Variants in CNTN1 observed in about 807,000 individuals in gnomAD.
The protein encoded by CNTN1 is contactin-1.
CNTN1 carries 38 observed loss-of-function variants against 126.4 expected under a neutral mutation model. The observed-to-expected ratio is 0.30, with a 90% CI of 0.23 to 0.39. The LOEUF is 0.39. CNTN1 is among the 10% of genes least tolerant of loss of function. The pLI, the probability that CNTN1 is intolerant of heterozygous loss-of-function variation, is 1.00. For synonymous variants in CNTN1, 413 were observed against 422.6 expected (o/e 0.98, Z 0.28); for missense variants, 1,009 against 1,248.4 (o/e 0.81, Z 2.89).
intron 18 of CNTN1, among the ~76,000 whole-genome samples, chr12:41,016,436 G>C (rs189994095): frequency 3.5e-4 from 53 of 152,228 alleles, no homozygotes; most frequent in Admixed American, 2.4e-3. Context: ...AGAAGAAACT[G>C]AAAGGAAAAA....
chr12:40,859,402 G>T (rs531958352), intron 1 of CNTN1, among the ~76,000 whole-genome samples: 2 of 152,032 alleles, frequency 1.3e-5, no homozygotes, highest in South Asian at 4.2e-4. Flanking sequence ...AGATAATAGC[G>T]GAAACTGTGT....
At chr12:40,759,512 C>G (rs1474020045) in intron 1 of CNTN1, among the ~76,000 whole-genome samples, 1 of 150,974 alleles carries the variant, frequency 6.6e-6, no homozygotes, top group Non-Finnish European at 1.5e-5. Context: ...GTCACCTAGG[C>G]TGGAATGCGG....
intron 1 of CNTN1, among the ~76,000 whole-genome samples, chr12:40,704,351 C>A (rs1941679500): frequency 6.6e-6 from 1 of 151,972 alleles, no homozygotes; most frequent in African/African-American, 2.4e-5. Context: ...CCTATACTCT[C>A]CAAATTATCT....
At chr12:40,860,281 AT>A (rs1207685015) in intron 1 of CNTN1, among the ~76,000 whole-genome samples, 1 of 152,132 alleles carries the variant, frequency 6.6e-6, no homozygotes, top group African/African-American at 2.4e-5. Context: ...AATTTTTAAT[AT>A]TTTGTCTGGA....
In CNTN1 at chr12:40,905,945, C is replaced by A. The variant is rs149112466; in HGVS notation, c.-76-2412C>A. ...ACAATCAAAATAAAAAGCTAAAAATCTTTCCACAGATCATGTAATTGATTT... is the reference window on the plus strand; with the variant it reads ...ACAATCAAAATAAAAAGCTAAAAATATTTCCACAGATCATGTAATTGATTT... On this transcript the variant is annotated intron_variant, in intron 1 of 23. Transcript: ENST00000551295. Among the ~76,000 whole-genome samples, 186 of 152,292 alleles carry A rather than the reference C, an allele frequency of 1.2e-3. 1 individual carries two copies. Among genetic ancestry groups the A allele is most frequent in the Non-Finnish European group, 2.2e-3 (149 of 68,030 alleles).
intron 1 of CNTN1, among the ~76,000 whole-genome samples, chr12:40,755,190 C>CAAAA (rs557970110): frequency 1.8e-4 from 14 of 78,204 alleles, no homozygotes; most frequent in African/African-American, 6.1e-4. Flanking sequence ...GACCCCACCT[C>CAAAA]AAAAAAAAAA....
intron 1 of CNTN1, among the ~76,000 whole-genome samples, chr12:40,734,141 T>C (rs1164053726): frequency 1.3e-5 from 2 of 152,098 alleles, no homozygotes; most frequent in African/African-American, 4.8e-5. Context: ...AATCATCCTC[T>C]GGCTGCTTTA....
chr12:40,877,927 A>G (rs546855916), intron 1 of CNTN1, among the ~76,000 whole-genome samples: 5 of 148,608 alleles, frequency 3.4e-5, no homozygotes, highest in African/African-American at 1.2e-4. Flanking sequence ...TGCCTAATAT[A>G]TTGAAGTCCC....
intron 1 of CNTN1, among the ~76,000 whole-genome samples, chr12:40,723,311 A>C (rs1165281753): frequency 6.6e-6 from 1 of 152,180 alleles, no homozygotes; most frequent in Non-Finnish European, 1.5e-5. Context: ...ATAATCTTTT[A>C]AGATTTCATC....
intron 1 of CNTN1, among the ~76,000 whole-genome samples, chr12:40,864,462 ACT>A (rs1221501115): frequency 6.6e-6 from 1 of 151,504 alleles, no homozygotes; most frequent in East Asian, 1.9e-4. Flanking sequence ...CTTAAAAGAA[ACT>A]CTATAAGTGT....
intron 1 of CNTN1, among the ~76,000 whole-genome samples, chr12:40,696,690 A>G (rs534213745): frequency 6.6e-5 from 10 of 152,298 alleles, no homozygotes; most frequent in South Asian, 2.1e-4. Context: ...GCATTATTTC[A>G]CTTCAATAAT....
rs183384883 is a variant in CNTN1, at chr12:40,894,568, A to G, written c.-76-13789A>G. Among the ~76,000 whole-genome samples the G allele has an allele frequency of 3.9e-5, 6 of 152,302 alleles. No homozygotes were observed. In the East Asian group the frequency reaches 7.7e-4, roughly 20 times the overall value. On this transcript the variant is annotated intron_variant, in intron 1 of 23. Coordinates refer to ENST00000551295, the MANE Select transcript of CNTN1 (RefSeq NM_001843.4). ...CTGAAAATAACATATAAAATATGTC[A>G]CAGAAAAAATATTTCTCTCATTTTA...
chr12:40,992,869 T>C (rs1948126465), intron 16 of CNTN1, among the ~76,000 whole-genome samples: 1 of 152,202 alleles, frequency 6.6e-6, no homozygotes, highest in African/African-American at 2.4e-5. Flanking sequence ...ACATGCAGAA[T>C]TGCAGACTCC....
In CNTN1 at chr12:40,756,040, A is replaced by G. The variant is rs555369630; in HGVS notation, c.-77+63448A>G. Among the ~76,000 whole-genome samples, 2 of 152,194 alleles carry G rather than the reference A, an allele frequency of 1.3e-5. 1 individual carries two copies. The highest frequency in any genetic ancestry group is 1.3e-4 in the Admixed American group (2 of 15,268). On this transcript the variant is annotated intron_variant, in intron 1 of 23. Coordinates refer to ENST00000551295, the MANE Select transcript of CNTN1 (RefSeq NM_001843.4). ...TGTTTTTCTAGCCACATTTAGATAC[A>G]TAGTTGCAAGCACAGAAAAGGTGTA...
chr12:40,735,659 T>TA (rs1427266706), intron 1 of CNTN1, among the ~76,000 whole-genome samples: 4 of 152,130 alleles, frequency 2.6e-5, no homozygotes, highest in African/African-American at 9.7e-5. Context: ...AAAATAGGGA[T>TA]ATCTATAATC....
intron 17 of CNTN1, among the ~76,000 whole-genome samples, chr12:40,998,418 C>A (rs1359587400): frequency 1.3e-5 from 2 of 152,044 alleles, no homozygotes; most frequent in Non-Finnish European, 2.9e-5. Flanking sequence ...ATTTAAATTT[C>A]TTGTTTGAAA....
At chr12:41,026,181 T>C (rs184689404) in intron 21 of CNTN1, among the ~76,000 whole-genome samples, 37 of 152,318 alleles carry the variant, frequency 2.4e-4, no homozygotes, top group African/African-American at 8.2e-4. Flanking sequence ...TTTGTTCTTT[T>C]TCCATTTGTT....
rs1487046272 is a variant in CNTN1 at position 40,885,796 on chromosome 12, T to C, written c.-76-22561T>C. On this transcript the variant is annotated intron_variant, in intron 1 of 23. Coordinates refer to ENST00000551295, the MANE Select transcript of CNTN1 (RefSeq NM_001843.4). ...TTGTGCTTTGATTGAAAGTATGTCA[T>C]TTTGGAAAACTTTAAGAATATTGAG... Among the ~76,000 whole-genome samples, 5 of 152,232 alleles carry C rather than the reference T, an allele frequency of 3.3e-5. No individual in the cohort carries two copies. In the East Asian group the frequency reaches 9.6e-4, roughly 29 times the overall value.
chr12:40,943,602 T>G lies in CNTN1; in HGVS notation c.1385T>G (p.Leu462Arg), dbSNP rs1946334820. The change falls in exon 13 of 24, where the codon CTC becomes CGC. Residue 462 changes from leucine to arginine, a missense_variant. Transcript: ENST00000551295. The part of the protein sequence containing the change: ...TEWLVNSSRI[L>R]IWEDGSLEIN... ...ATATATTTTTATTTCACTAGAATAC[T>G]CATTTGGGAAGATGGTAGCTTGGAA... The G allele has an allele frequency of 6.4e-7, 1 of 1,567,862 alleles. No homozygotes were observed. Among genetic ancestry groups the G allele is most frequent in the Admixed American group, 1.7e-5 (1 of 59,810 alleles).
Sources: gnomAD v4.1 joint callset for allele counts (sites outside exome capture counted in the v4.1 genomes callset) on GRCh38, gnomAD v4.1.1 for gene constraint, MANE v1.5 for transcripts, NCBI Gene and HGNC (gene_info 2026-07-23, HGNC 2026-07-21) for gene names.